The following LRRIQ1 variants were observed in gnomAD, a reference collection of about 807,000 sequenced individuals.
LRRIQ1 encodes leucine-rich repeat- and IQ domain-containing protein 1.
LRRIQ1 carries 210 observed loss-of-function variants against 211.9 expected under a neutral mutation model. The observed-to-expected ratio is 0.99, with a 90% confidence interval of 0.89 to 1.11. The LOEUF (loss-of-function observed/expected upper bound fraction) is 1.11. Among genes scored for constraint, LRRIQ1 ranks in the 50% most tolerant of loss-of-function variants. The probability of loss-of-function intolerance (pLI) is 0.00; values close to 1 mark genes in which losing one functional copy is unlikely to be tolerated. For missense variants in LRRIQ1, 2,136 were observed against 1,939.5 expected (o/e 1.10, Z -1.90); for synonymous variants, 699 against 650.1 (o/e 1.08, Z -1.14).
chr12:85,228,262 C>T (rs938105040), intron 24 of LRRIQ1, among the ~76,000 whole-genome samples: 12 of 152,036 alleles, frequency 7.9e-5, no homozygotes, highest in Non-Finnish European at 7.4e-5. Flanking sequence ...AAAATTTTTA[C>T]GATCTACCCA....
intron 23 of LRRIQ1, among the ~76,000 whole-genome samples, chr12:85,155,288 C>T (rs1016073423): frequency 6.6e-6 from 1 of 151,308 alleles, no homozygotes; most frequent in Non-Finnish European, 1.5e-5. Flanking sequence ...ATATAAACAC[C>T]TTGCTTTTTA....
At chr12:85,086,915 T>C (rs1365604749) in intron 11 of LRRIQ1, among the ~76,000 whole-genome samples, 1 of 150,988 alleles carries the variant, frequency 6.6e-6, no homozygotes, top group African/African-American at 2.5e-5. Context: ...CATTCAACGA[T>C]TGAATCTCAG....
chr12:85,085,686 A>G (rs1016886460), intron 11 of LRRIQ1, among the ~76,000 whole-genome samples: 3 of 152,152 alleles, frequency 2.0e-5, no homozygotes, highest in Admixed American at 2.0e-4. Context: ...GAGAAGATGT[A>G]GTATTTGGTT....
intron 24 of LRRIQ1, among the ~76,000 whole-genome samples, chr12:85,197,987 ATATATTATATATAACATATATAATATAT>A (rs2136995711): frequency 9.7e-6 from 1 of 103,058 alleles, no homozygotes; most frequent in South Asian, 2.4e-4. Flanking sequence ...TAATTATATT[ATATATTATATATAACATATATAATATAT>A]TATATTATTA....
intron 11 of LRRIQ1, among the ~76,000 whole-genome samples, chr12:85,092,131 CAG>C (rs369520892): frequency 6.6e-6 from 1 of 152,242 alleles, no homozygotes; most frequent in African/African-American, 2.4e-5. Context: ...TTAACATTTG[CAG>C]AGAGTTTTGA....
chr12:85,157,031 A>C (rs545967464), intron 23 of LRRIQ1, among the ~76,000 whole-genome samples: 37 of 152,016 alleles, frequency 2.4e-4, no homozygotes, highest in African/African-American at 8.7e-4. Context: ...TGTTTTTATC[A>C]GTCAAGGGAT....
chr12:85,191,349 A>C (rs972249802), intron 24 of LRRIQ1, among the ~76,000 whole-genome samples: 3 of 151,980 alleles, frequency 2.0e-5, no homozygotes, highest in Admixed American at 1.3e-4. Context: ...ATTTCCAGCA[A>C]CCAGTGATCT....
chr12:85,229,027 T>C (rs1394852581), intron 24 of LRRIQ1, among the ~76,000 whole-genome samples: 1 of 152,152 alleles, frequency 6.6e-6, no homozygotes, highest in East Asian at 1.9e-4. Flanking sequence ...GTAACTCTGA[T>C]ATGTATGAAA....
At chr12:85,130,464 A>G (rs1308239912) in intron 18 of LRRIQ1, among the ~76,000 whole-genome samples, 1 of 152,224 alleles carries the variant, frequency 6.6e-6, no homozygotes, top group Non-Finnish European at 1.5e-5. Flanking sequence ...CTCTCACTAA[A>G]GAGAAGGTTC....
intron 1 of LRRIQ1, among the ~76,000 whole-genome samples, chr12:85,258,175 TG>T (rs1896179193): frequency 6.6e-6 from 1 of 151,826 alleles, no homozygotes; most frequent in African/African-American, 2.4e-5. Context: ...GTTACTCACA[TG>T]TTTTTTTTTA....
At position 85,047,383 on chromosome 12, in the gene LRRIQ1, A is replaced by C; in HGVS notation, c.591A>C (p.Glu197Asp). Reference sequence around the variant, plus strand: ...TCAAAGCTCAGAGGGATAGAGAAGAAAAACAATTTCAAGAAGAAGAAGAAA... The same window carrying C: ...TCAAAGCTCAGAGGGATAGAGAAGACAAACAATTTCAAGAAGAAGAAGAAA... Reference protein sequence around the residue: ...QTLKAQRDREEKQFQEEEEKR... With the variant: ...QTLKAQRDREDKQFQEEEEKR... Residue 197 changes from glutamate to aspartate, a missense_variant, in exon 6 of 27, where the codon GAA (glutamate) becomes GAC (aspartate). Coordinates refer to ENST00000393217, the MANE Select transcript of LRRIQ1 (RefSeq NM_001079910.2). The C allele has an allele frequency of 6.2e-7, 1 of 1,611,690 alleles. No homozygotes were observed. The highest frequency in any genetic ancestry group is 1.1e-5 in the South Asian group (1 of 91,004).
intron 1 of LRRIQ1, among the ~76,000 whole-genome samples, chr12:85,256,430 G>T (rs867488499): frequency 6.6e-6 from 1 of 151,462 alleles, no homozygotes; most frequent in Non-Finnish European, 1.5e-5. Flanking sequence ...AAAAATAAAT[G>T]GATATGGTTA....
At chr12:85,192,054 G>A (rs1001424778) in intron 24 of LRRIQ1, among the ~76,000 whole-genome samples, 6 of 151,780 alleles carry the variant, frequency 4.0e-5, no homozygotes, top group African/African-American at 1.2e-4. Context: ...GGTAAATTGC[G>A]TGTCACGGGG....
intron 11 of LRRIQ1, among the ~76,000 whole-genome samples, chr12:85,086,788 C>T (rs1484782720): frequency 3.3e-5 from 5 of 151,976 alleles, no homozygotes; most frequent in Non-Finnish European, 7.4e-5. Flanking sequence ...AGAAACAAGT[C>T]TGTCTGAAAC....
At chr12:85,227,009 A>G (rs2137163553) in intron 24 of LRRIQ1, among the ~76,000 whole-genome samples, 1 of 152,086 alleles carries the variant, frequency 6.6e-6, no homozygotes, top group African/African-American at 2.4e-5. Context: ...GTGTCTTTAT[A>G]GCAGCATGAT....
chr12:85,248,826 G>C (rs1215340744), downstream of LRRIQ1, among the ~76,000 whole-genome samples: 2 of 151,612 alleles, frequency 1.3e-5, no homozygotes, highest in East Asian at 1.9e-4. Context: ...TTAAGCAAAA[G>C]TAAAGGATAA....
chr12:85,073,980 T>C (rs1367178832), intron 11 of LRRIQ1, among the ~76,000 whole-genome samples: 1 of 151,996 alleles, frequency 6.6e-6, no homozygotes, highest in Non-Finnish European at 1.5e-5. Context: ...CTTAAGGAGG[T>C]GAAATAAAAT....
intron 24 of LRRIQ1, among the ~76,000 whole-genome samples, chr12:85,203,523 AGT>A (rs1232608454): frequency 6.6e-6 from 1 of 152,104 alleles, no homozygotes; most frequent in African/African-American, 2.4e-5. Context: ...GAGACTGTTG[AGT>A]GGCTTTGCCC....
chr12:85,087,192 G>A (rs192090967), intron 11 of LRRIQ1, among the ~76,000 whole-genome samples: 21 of 152,144 alleles, frequency 1.4e-4, no homozygotes, highest in Admixed American at 1.3e-3. Flanking sequence ...AACATGTGGT[G>A]TTTGGTTTTC....
Sources: gnomAD v4.1 joint callset for allele counts (sites outside exome capture counted in the v4.1 genomes callset) on GRCh38, gnomAD v4.1.1 for gene constraint, MANE v1.5 for transcripts, NCBI Gene and HGNC (gene_info 2026-07-23, HGNC 2026-07-21) for gene names.